The following KAZN variants were observed in gnomAD, a reference collection of about 807,000 sequenced individuals.
The protein encoded by KAZN is kazrin.
Under a neutral mutation model 87.4 loss-of-function variants are expected in KAZN, and 40 were observed. That is an observed-to-expected ratio of 0.46 (90% confidence interval 0.36 to 0.60). The LOEUF (loss-of-function observed/expected upper bound fraction) is 0.60. Ranked by LOEUF, KAZN falls within the 20% of genes least tolerant of loss-of-function variation. KAZN has a pLI of 0.00. For missense variants in KAZN, 898 were observed against 1,073.9 expected (o/e 0.84, Z 2.29); for synonymous variants, 466 against 458.3 (o/e 1.02, Z -0.22).
At chr1:14,205,053 C>A (rs1237863237) in intron 2 of KAZN, among the ~76,000 whole-genome samples, 1 of 152,196 alleles carries the variant, frequency 6.6e-6, no homozygotes, top group East Asian at 1.9e-4. Context: ...GGGAGCCAGG[C>A]TGCTTCTATC....
intron 1 of KAZN, among the ~76,000 whole-genome samples, chr1:14,953,048 T>C (rs986565792): frequency 3.3e-5 from 5 of 151,726 alleles, no homozygotes; most frequent in Admixed American, 6.5e-5. Context: ...CAAACCTGCA[T>C]GCCCGCCTCA....
chr1:14,458,040 T>G (rs1006998949), intron 2 of KAZN, among the ~76,000 whole-genome samples: 3 of 152,152 alleles, frequency 2.0e-5, no homozygotes, highest in Admixed American at 6.6e-5. Flanking sequence ...GCCAGGATGG[T>G]CTCAATCTCC....
At chr1:14,114,837 TA>T (rs1393816290) in intron 1 of KAZN, among the ~76,000 whole-genome samples, 1 of 152,218 alleles carries the variant, frequency 6.6e-6, no homozygotes, top group Admixed American at 6.5e-5. Flanking sequence ...AATGATTCCA[TA>T]AGGCAGGTGC....
At chr1:14,547,094 C>A (rs1225724626) in intron 2 of KAZN, among the ~76,000 whole-genome samples, 3 of 152,258 alleles carry the variant, frequency 2.0e-5, no homozygotes, top group South Asian at 2.1e-4. Context: ...AAATTTTAAA[C>A]CCCAGGTGTC....
intron 1 of KAZN, among the ~76,000 whole-genome samples, chr1:14,158,287 T>G (rs187179314): frequency 1.5e-3 from 231 of 152,300 alleles, no homozygotes; most frequent in African/African-American, 5.4e-3. Context: ...TGCTTCATTG[T>G]TTTTTATTCT....
Position 14,514,588 on chromosome 1 carries a change from T to TCTA in KAZN, c.250-84395_250-84394insCTA, listed in dbSNP as rs1261372147. On this transcript the variant is annotated intron_variant, in intron 2 of 16. Coordinates refer to the KAZN transcript ENST00000636203. ...TTTTCTATATATTTTATATATTTTT[T>TCTA]TATATTTTATATATATATATATATA... 7.8e-3 allele frequency among the ~76,000 whole-genome samples: 460 copies of TCTA among 59,126 alleles called. 7 individuals carry two copies. The highest frequency in any genetic ancestry group is 0.016 in the African/African-American group (260 of 16,008). 38.8% of individuals were successfully genotyped at this position (59,126 alleles called of 152,430 possible). A position where few individuals can be genotyped will look rare whatever the true frequency, so the allele number is the denominator to read the frequency against.
intron 2 of KAZN, among the ~76,000 whole-genome samples, chr1:14,306,975 T>C (rs1654975011): frequency 6.6e-6 from 1 of 152,238 alleles, no homozygotes; most frequent in Non-Finnish European, 1.5e-5. Context: ...TTTGATGTCA[T>C]GAGTGACGTC....
intron 1 of KAZN, among the ~76,000 whole-genome samples, chr1:14,880,475 G>C (rs1238314836): frequency 6.6e-6 from 1 of 152,146 alleles, no homozygotes; most frequent in Non-Finnish European, 1.5e-5. Context: ...CATGCTCATG[G>C]GTTTTGTGGG....
At chr1:14,377,813 C>T (rs1661036053) in intron 2 of KAZN, among the ~76,000 whole-genome samples, 1 of 152,196 alleles carries the variant, frequency 6.6e-6, no homozygotes, top group Non-Finnish European at 1.5e-5. Flanking sequence ...ATTCTGCCAG[C>T]TCATTCTTTG....
At chr1:14,613,884 A>G (rs1678008243) in intron 1 of KAZN, among the ~76,000 whole-genome samples, 1 of 152,150 alleles carries the variant, frequency 6.6e-6, no homozygotes, top group Admixed American at 6.5e-5. Flanking sequence ...TGCCGATTTT[A>G]AGGGATTCCT....
At chr1:14,700,738 G>T (rs1641876658) in intron 1 of KAZN, among the ~76,000 whole-genome samples, 1 of 152,106 alleles carries the variant, frequency 6.6e-6, no homozygotes, top group Non-Finnish European at 1.5e-5. Flanking sequence ...ACACAGAAAA[G>T]ACTCTGGCCA....
intron 2 of KAZN, among the ~76,000 whole-genome samples, chr1:14,284,540 T>C (rs1187738702): frequency 6.6e-6 from 1 of 152,166 alleles, no homozygotes; most frequent in African/African-American, 2.4e-5. Flanking sequence ...AGGGGAAAGA[T>C]TCTGTTGGAC....
At chr1:14,520,938 G>T (rs1671553564) in intron 2 of KAZN, among the ~76,000 whole-genome samples, 1 of 152,196 alleles carries the variant, frequency 6.6e-6, no homozygotes, top group Non-Finnish European at 1.5e-5. Flanking sequence ...TTCCCCTAAG[G>T]CATTGTTCTA....
At chr1:14,772,229 T>C (rs182487949) in intron 1 of KAZN, among the ~76,000 whole-genome samples, 181 of 152,272 alleles carry the variant, frequency 1.2e-3, no homozygotes, top group African/African-American at 4.1e-3. Context: ...ACGCCTGTAA[T>C]CCTGGCACTT....
In KAZN at chr1:14,478,224, A is replaced by AGAAG. The variant is rs36051851; in HGVS notation, c.250-120739_250-120736dup. Among the ~76,000 whole-genome samples the AGAAG allele has an allele frequency of 2.3e-3, 334 of 145,466 alleles. 1 individual carries two copies. Among genetic ancestry groups the AGAAG allele is most frequent in the African/African-American group, 6.1e-3 (237 of 39,024 alleles). On this transcript the variant is annotated intron_variant, in intron 2 of 16. Coordinates refer to the KAZN transcript ENST00000636203. ...TGGATGGGTGGATAGATGGATGGAT[A>AGAAG]GAAGGAAGGAAGGAAGGAAGGAAAA...
chr1:14,163,918 C>G (rs1645765113), intron 1 of KAZN, among the ~76,000 whole-genome samples: 1 of 152,208 alleles, frequency 6.6e-6, no homozygotes, highest in Admixed American at 6.5e-5. Context: ...TCCTTATGCC[C>G]TCACCAGCAG....
rs775304982 is a variant in KAZN, at chr1:14,180,517, C to T, written c.174C>T (p.Asp58=). The change falls in exon 2 of 17, where the codon GAC becomes GAT. Residue 58 remains aspartate (D), a synonymous_variant. Coordinates refer to the KAZN transcript ENST00000636203. ...CGAAGGCACTGGAGGAGGACAAAGA[C>T]CCTTTTCTACCCACTGAGAAGGAGA... 2.5e-5 allele frequency: 39 copies of T among 1,550,236 alleles called. 1 individual carries two copies. Among genetic ancestry groups the T allele is most frequent in the Non-Finnish European group, 2.7e-5 (31 of 1,146,718 alleles).
intron 1 of KAZN, among the ~76,000 whole-genome samples, chr1:14,118,007 G>A (rs1031139314): frequency 2.0e-5 from 3 of 152,180 alleles, no homozygotes; most frequent in African/African-American, 7.2e-5. Context: ...TCACTCTTCT[G>A]CTGCCTCTGG....
At chr1:14,123,580 TGAA>T (rs1180857050) in intron 1 of KAZN, among the ~76,000 whole-genome samples, 1 of 152,156 alleles carries the variant, frequency 6.6e-6, no homozygotes, top group Non-Finnish European at 1.5e-5. Context: ...GATGGAAAGG[TGAA>T]GAAGGTTTCT....
Sources: allele counts gnomAD v4.1 joint callset (sites outside exome capture counted in the v4.1 genomes callset), GRCh38; gene constraint gnomAD v4.1.1; transcripts MANE v1.5; gene names NCBI Gene and HGNC (gene_info 2026-07-23, HGNC 2026-07-21).